CR2: variants seen among roughly 807,000 people sequenced by gnomAD.
CR2 encodes the protein complement receptor type 2.
In CR2, 96 loss-of-function variants were observed where a neutral mutation model predicts 123.0. The ratio of observed to expected loss-of-function variants is 0.78; its 90% CI spans 0.66 to 0.93. The LOEUF (loss-of-function observed/expected upper bound fraction) is 0.93, where lower values mean the gene tolerates loss of function less well. CR2 is among the 40% of genes least tolerant of loss of function. The pLI, the probability that CR2 is intolerant of heterozygous loss-of-function variation, is 0.00. For missense variants in CR2, 1,258 were observed against 1,361.0 expected (o/e 0.92, Z 1.19); for synonymous variants, 484 against 469.5 (o/e 1.03, Z -0.40).
At chr1:207,477,798 A>G (rs1658482000) in intron 15 of CR2, 87 bp from the exon 16 acceptor site, 1 of 1,248,854 alleles carries the variant, frequency 8.0e-7, no homozygotes, top group Non-Finnish European at 1.1e-6. Context: ...GGTTGGTTTT[A>G]TAAATCTTTC....
At position 207,466,786 on chromosome 1, in the gene CR2, C is replaced by A; in HGVS notation, c.319C>A (p.Pro107Thr). ...AGGATACAAAATTAGAGGCTCTACACCCTACAGACATGGTGATTCTGTGAC... is the reference window on the plus strand; with the variant it reads ...AGGATACAAAATTAGAGGCTCTACAACCTACAGACATGGTGATTCTGTGAC... ...PGGYKIRGSTPYRHGDSVTFA... is the reference protein window; with the variant it reads ...PGGYKIRGSTTYRHGDSVTFA... The change falls in exon 2 of 20, where the codon CCC (proline) becomes ACC (threonine). Residue 107 changes from proline to threonine, a missense_variant. Coordinates refer to ENST00000367057, the MANE Select transcript of CR2 (RefSeq NM_001006658.3). The A allele has an allele frequency of 5.0e-6, 8 of 1,614,126 alleles. No individual in the cohort carries two copies. The highest frequency in any genetic ancestry group is 6.8e-6 in the Non-Finnish European group (8 of 1,179,996).
At position 207,478,070 on chromosome 1, in the gene CR2, C is replaced by T. The variant is rs1358947848; in HGVS notation, c.3088C>T (p.Arg1030Cys). The stretch of plus-strand genomic sequence containing the variant: ...CCCTCCCCTGGCGGTTTGCAGATCC[C>T]GTAAGTACCAAGGGCTTCACCGCCG... ...WNPPLAVCRS[R>C]SLAPVLCGIA... The change falls in exon 16 of 20, where the codon CGT becomes TGT. Residue 1030 changes from arginine (R) to cysteine (C), a missense_variant and splice_region_variant. Coordinates refer to ENST00000367057, the MANE Select transcript of CR2 (RefSeq NM_001006658.3). 7.4e-6 allele frequency: 12 copies of T among 1,613,096 alleles called. No homozygotes were observed. Among genetic ancestry groups the T allele is most frequent in the Non-Finnish European group, 1.0e-5 (12 of 1,179,634 alleles).
chr1:207,456,010 A>G (rs536122711), intron 1 of CR2, among the ~76,000 whole-genome samples: 1 of 152,338 alleles, frequency 6.6e-6, no homozygotes, highest in East Asian at 1.9e-4. Context: ...TTATGATTGG[A>G]AAGGTTAAAG....
At chr1:207,478,630 G>C (rs966908870) in intron 16 of CR2, among the ~76,000 whole-genome samples, 3 of 149,352 alleles carry the variant, frequency 2.0e-5, no homozygotes, top group African/African-American at 4.9e-5. Flanking sequence ...GTGAAGAAAA[G>C]AAAATAGAAA....
intron 1 of CR2, among the ~76,000 whole-genome samples, chr1:207,457,366 A>G (rs908790888): frequency 2.0e-5 from 3 of 152,156 alleles, no homozygotes; most frequent in South Asian, 2.1e-4. Context: ...ACTTCTGCAG[A>G]TATCTCCTAC....
chr1:207,456,633 A>G (rs1657841088), intron 1 of CR2, among the ~76,000 whole-genome samples: 1 of 152,204 alleles, frequency 6.6e-6, no homozygotes, highest in Non-Finnish European at 1.5e-5. Context: ...ACCTAACTTT[A>G]TCCTATGCTG....
chr1:207,470,622 G>C, intron 6 of CR2, 118 bp from the exon 7 acceptor site: 2 of 953,036 alleles, frequency 2.1e-6, no homozygotes, highest in Non-Finnish European at 1.7e-6. Context: ...CATATGTTCT[G>C]TATCATACAG....
intron 1 of CR2, among the ~76,000 whole-genome samples, chr1:207,457,833 C>T (rs929282073): frequency 6.6e-6 from 1 of 151,942 alleles, no homozygotes; most frequent in Non-Finnish European, 1.5e-5. Context: ...CAGCCCTGAG[C>T]CTCTTCTTTC....
Position 207,471,415 on chromosome 1 carries a change from G to C in CR2, c.1494-8G>C. Reference sequence around the variant, plus strand: ...ATGGCAAAATGACATACGTGACTCTGTCTCTAGGTACAAGTTAAGTGGGAG... The same window carrying C: ...ATGGCAAAATGACATACGTGACTCTCTCTCTAGGTACAAGTTAAGTGGGAG... On this transcript the variant is annotated splice_region_variant and splice_polypyrimidine_tract_variant and intron_variant, in intron 8 of 19. Coordinates refer to ENST00000367057, the MANE Select transcript of CR2 (RefSeq NM_001006658.3). 4 of 1,606,432 alleles carry C rather than the reference G, an allele frequency of 2.5e-6. No homozygotes were observed. Among genetic ancestry groups the C allele is most frequent in the Non-Finnish European group, 3.4e-6 (4 of 1,173,148 alleles).
chr1:207,489,264 T>C lies in CR2; in HGVS notation c.*141T>C, dbSNP rs1292756381. On this transcript the variant is annotated 3_prime_UTR_variant, in exon 20 of 20. Transcript: ENST00000367057. ...ATGTCATAAGCGATCACTTCCTATA[T>C]GCACTTATTCTCAAGAAGAACATCT... 6.6e-6 allele frequency: 1 copy of C among 152,234 alleles called. No homozygotes were observed. The highest frequency in any genetic ancestry group is 6.5e-5 in the Admixed American group (1 of 15,288). The allele number at this position is 152,234 out of a possible 1,614,324, so 9.4% of individuals were successfully genotyped here.
rs551138224 is a variant in CR2, at chr1:207,467,725, T to C, written c.446-802T>C. 2.0e-5 allele frequency among the ~76,000 whole-genome samples: 3 copies of C among 152,330 alleles called. No individual in the cohort carries two copies. The South Asian group carries it at 6.2e-4, about 32-fold the overall frequency. On this transcript the variant is annotated intron_variant, in intron 2 of 19. Coordinates refer to ENST00000367057, the MANE Select transcript of CR2 (RefSeq NM_001006658.3). ...GGAGGAAGGAGATCTTAACGATAGT[T>C]ACAAAGGGCAATGGCTGCTGAAAAC... is the stretch of plus-strand genomic sequence containing the variant.
At chr1:207,481,097 A>G (rs1658591098) in intron 18 of CR2, among the ~76,000 whole-genome samples, 1 of 151,848 alleles carries the variant, frequency 6.6e-6, no homozygotes, top group South Asian at 2.1e-4. Flanking sequence ...CTACGTTTCT[A>G]TGTTTTGGTA....
chr1:207,487,148 A>AT (rs1658772033), intron 19 of CR2, among the ~76,000 whole-genome samples: 1 of 152,236 alleles, frequency 6.6e-6, no homozygotes, highest in South Asian at 2.1e-4. Context: ...GCAGCCTCTG[A>AT]TACTATCCAG....
Position 207,476,217 on chromosome 1 carries a change from T to C in CR2, c.2717-17T>C. The C allele has an allele frequency of 6.2e-7, 1 of 1,612,822 alleles. No individual in the cohort carries two copies. Among genetic ancestry groups the C allele is most frequent in the Non-Finnish European group, 8.5e-7 (1 of 1,179,120 alleles). ...CCTCTGTGCTGAGTTAAAGACCCTT[T>C]CTTATTGGTGTCTAAGCCTTCATAG... On this transcript the variant is annotated splice_polypyrimidine_tract_variant and intron_variant, in intron 14 of 19. Coordinates refer to ENST00000367057, the MANE Select transcript of CR2 (RefSeq NM_001006658.3).
intron 1 of CR2, among the ~76,000 whole-genome samples, chr1:207,461,969 A>G: frequency 6.6e-6 from 1 of 152,160 alleles, no homozygotes; most frequent in East Asian, 1.9e-4. Flanking sequence ...GGGTTAAGTC[A>G]TGATAGCTGG....
At chr1:207,473,294 G>A (rs942571371) in intron 10 of CR2, 115 bp downstream of exon 10, 39 of 1,286,204 alleles carry the variant, frequency 3.0e-5, no homozygotes, top group Non-Finnish European at 3.8e-5. Flanking sequence ...ATTACTTTCT[G>A]TTTCTTCCAT....
chr1:207,476,155 T>A, intron 14 of CR2, 79 bp from the exon 15 acceptor site: 1 of 1,383,714 alleles, frequency 7.2e-7, no homozygotes, highest in Middle Eastern at 2.3e-4. Context: ...GGCCTTCCTG[T>A]ATCGCTATCA....
intron 1 of CR2, among the ~76,000 whole-genome samples, chr1:207,458,482 GT>G (rs1434869904): frequency 6.6e-6 from 1 of 152,156 alleles, no homozygotes; most frequent in Non-Finnish European, 1.5e-5. Flanking sequence ...CTCCTGCTGA[GT>G]TTTCTGACTT....
chr1:207,487,031 C>T lies in CR2; in HGVS notation c.*18+1459C>T, dbSNP rs556829813. On this transcript the variant is annotated intron_variant, in intron 19 of 19. Coordinates refer to ENST00000367057, the MANE Select transcript of CR2 (RefSeq NM_001006658.3). ...TAACAAGGAGACTGAATAAGATCTC[C>T]GAGAAGTGAAAGAGGCTAGCAAAAA... 6.6e-4 allele frequency among the ~76,000 whole-genome samples: 101 copies of T among 152,196 alleles called. 1 individual carries two copies. The highest frequency in any genetic ancestry group is 3.4e-3 in the Middle Eastern group (1 of 294).
Sources: allele counts gnomAD v4.1 joint callset (sites outside exome capture counted in the v4.1 genomes callset), GRCh38; gene constraint gnomAD v4.1.1; transcripts MANE v1.5; gene names NCBI Gene and HGNC (gene_info 2026-07-23, HGNC 2026-07-21).